The following PIR variants were observed in gnomAD, a reference collection of about 807,000 sequenced individuals.
PIR encodes pirin.
PIR carries 22 observed loss-of-function variants against 24.2 expected under a neutral mutation model. The observed-to-expected ratio is 0.91, with a 90% CI of 0.65 to 1.30. The LOEUF is 1.30. Ranked by LOEUF, PIR falls within the 50% of genes most tolerant of loss-of-function variation. PIR has a pLI of 0.00. For missense variants in PIR, 220 were observed against 220.3 expected (o/e 1.00, Z 0.01); for synonymous variants, 80 against 79.6 (o/e 1.00, Z -0.03).
At chrX:15,398,004 T>C (rs1924228055) in intron 7 of PIR, among the ~76,000 whole-genome samples, 1 of 109,718 alleles carries the variant, frequency 9.1e-6, no homozygotes, top group African/African-American at 3.3e-5. Flanking sequence ...AAACTAAATC[T>C]ATACACACAA....
intron 2 of PIR, among the ~76,000 whole-genome samples, chrX:15,484,849 A>C (rs1922724985): frequency 8.9e-6 from 1 of 112,369 alleles, no homozygotes; most frequent in Admixed American, 9.4e-5. Flanking sequence ...TGCTATTTGT[A>C]CACAAAGCGT....
intron 7 of PIR, among the ~76,000 whole-genome samples, chrX:15,398,553 C>T (rs1477682239): frequency 9.0e-6 from 1 of 110,766 alleles, no homozygotes; most frequent in Admixed American, 9.7e-5. Flanking sequence ...GAAAATTCTA[C>T]CATTCTTGGA....
chrX:15,432,262 G>A lies in PIR; in HGVS notation c.481-6272C>T, dbSNP rs181916643. On this transcript the variant is annotated intron_variant, in intron 5 of 9. Coordinates refer to ENST00000380420, the MANE Select transcript of PIR (RefSeq NM_001018109.3). ...AGAATCTATAATGTGCTAGTCATTGGATATATATTGCTGAATAACAGTTCT... is the reference window on the plus strand; with the variant it reads ...AGAATCTATAATGTGCTAGTCATTGAATATATATTGCTGAATAACAGTTCT... Among the ~76,000 whole-genome samples, 7 of 111,791 alleles carry A rather than the reference G, an allele frequency of 6.3e-5. No homozygotes were observed. In the East Asian group the frequency reaches 1.9e-3, roughly 31 times the overall value.
At chrX:15,482,394 A>G (rs1034071889) in intron 2 of PIR, among the ~76,000 whole-genome samples, 1 of 111,538 alleles carries the variant, frequency 9.0e-6, no homozygotes, top group Non-Finnish European at 1.9e-5. Flanking sequence ...CAGGTGTTTT[A>G]TAGATTCCCT....
Position 15,491,207 on chromosome X carries a change from C to G in PIR, c.51G>C (p.Ser17=), listed in dbSNP as rs146277049. ...TCCGGACCCTCGCTCCAACCCCTTC[C>G]GACTGCTCCCGGCTGAGCACTGAGA... ...VTLSVLSREQ[S]EGVGARVRRS... Residue 17 remains serine, a synonymous_variant, in exon 2 of 10, where the codon TCG becomes TCC. Coordinates refer to ENST00000380420, the MANE Select transcript of PIR (RefSeq NM_001018109.3). 8.3e-7 allele frequency: 1 copy of G among 1,208,100 alleles called. No homozygotes were observed. Among genetic ancestry groups the G allele is most frequent in the Non-Finnish European group, 1.1e-6 (1 of 893,212 alleles).
intron 8 of PIR, among the ~76,000 whole-genome samples, chrX:15,392,995 G>A (rs1411249172): frequency 8.9e-6 from 1 of 112,245 alleles, no homozygotes; most frequent in Non-Finnish European, 1.9e-5. Flanking sequence ...GGTGTCAAAT[G>A]ATGAAAATCA....
intron 5 of PIR, 135 bp from the exon 6 acceptor site, chrX:15,426,125 G>A (rs187855264): frequency 0.027 from 11,391 of 424,236 alleles, 179 homozygotes; most frequent in Non-Finnish European, 0.037. Context: ...TGTTAAAGCC[G>A]AGGTGGGCTG....
chrX:15,412,844 A>G (rs966706872), intron 6 of PIR, among the ~76,000 whole-genome samples: 5 of 112,328 alleles, frequency 4.5e-5, no homozygotes, highest in African/African-American at 9.7e-5. Context: ...TGAAACAGCA[A>G]CAAAAATGAG....
intron 5 of PIR, among the ~76,000 whole-genome samples, chrX:15,445,709 C>T (rs984653278): frequency 1.2e-4 from 13 of 109,311 alleles, no homozygotes; most frequent in African/African-American, 4.0e-4. Context: ...TAGATGGCAT[C>T]GTGAGAGCAT....
chrX:15,479,673 GAAGA>G (rs1922396362), intron 3 of PIR, 52 bp downstream of exon 3: 1 of 554,489 alleles, frequency 1.8e-6, no homozygotes, highest in Non-Finnish European at 2.8e-6. Context: ...TTTTCTATTA[GAAGA>G]AAGAGGTATG....
At chrX:15,478,286 T>A (rs985652217) in intron 3 of PIR, 3 of 111,604 alleles carry the variant, frequency 2.7e-5, no homozygotes, top group African/African-American at 9.8e-5. Flanking sequence ...ATAATGTGCA[T>A]GAGACTGGTA....
intron 8 of PIR, among the ~76,000 whole-genome samples, chrX:15,395,616 G>T (rs1303577207): frequency 1.8e-5 from 2 of 111,685 alleles, no homozygotes; most frequent in Non-Finnish European, 3.8e-5. Context: ...TTTTAATTTT[G>T]CAGACAAAGA....
chrX:15,491,139 G>A (rs1304571340), intron 2 of PIR, 23 bp downstream of exon 2: 5 of 1,068,371 alleles, frequency 4.7e-6, no homozygotes, highest in Non-Finnish European at 6.5e-6. Flanking sequence ...AGAAAACAAG[G>A]AGCAGCCACC....
intron 3 of PIR, among the ~76,000 whole-genome samples, chrX:15,468,550 A>G (rs1921721498): frequency 8.9e-6 from 1 of 112,664 alleles, no homozygotes; most frequent in Admixed American, 9.3e-5. Context: ...AAATTTCATT[A>G]TAACAATATT....
chrX:15,483,174 T>TATATATATATACATATATATATAG (rs955424390), intron 2 of PIR, among the ~76,000 whole-genome samples: 1 of 98,751 alleles, frequency 1.0e-5, no homozygotes, highest in Non-Finnish European at 2.0e-5. Flanking sequence ...CATATATATA[T>TATATATATATACATATATATATAG]AAATTCAACA....
chrX:15,471,442 G>A (rs926696186), intron 3 of PIR, among the ~76,000 whole-genome samples: 1 of 111,661 alleles, frequency 9.0e-6, no homozygotes, highest in African/African-American at 3.3e-5. Flanking sequence ...GTGAAATATT[G>A]TTCATTCATC....
chrX:15,422,020 C>T (rs999522536), intron 6 of PIR, among the ~76,000 whole-genome samples: 1 of 110,533 alleles, frequency 9.0e-6, no homozygotes, highest in Non-Finnish European at 1.9e-5. Flanking sequence ...AAATGTGACA[C>T]ATCACATTAA....
At chrX:15,452,441 C>T (rs1920975444) in intron 5 of PIR, among the ~76,000 whole-genome samples, 1 of 111,657 alleles carries the variant, frequency 9.0e-6, no homozygotes, top group Non-Finnish European at 1.9e-5. Context: ...AATGCTCAGA[C>T]ACATACAACC....
chrX:15,464,303 T>C, intron 3 of PIR: 3 of 407,259 alleles, frequency 7.4e-6, no homozygotes, highest in Non-Finnish European at 6.2e-6. Context: ...ATTTCAGATA[T>C]GTTTCTTTCC....
Sources: gnomAD v4.1 joint callset for allele counts (sites outside exome capture counted in the v4.1 genomes callset) on GRCh38, gnomAD v4.1.1 for gene constraint, MANE v1.5 for transcripts, NCBI Gene and HGNC (gene_info 2026-07-23, HGNC 2026-07-21) for gene names.